The following MYO1D variants were observed in gnomAD, a reference collection of about 807,000 sequenced individuals.
MYO1D encodes the protein myosin ID.
Under a neutral mutation model 122.0 loss-of-function variants are expected in MYO1D, and 83 were observed. The observed-to-expected ratio is 0.68, with a 90% CI of 0.57 to 0.82. The LOEUF (loss-of-function observed/expected upper bound fraction) is 0.82. Among genes scored for constraint, MYO1D ranks in the 40% least tolerant of loss-of-function variants. The pLI is 0.00. For missense variants in MYO1D, 1,157 were observed against 1,269.5 expected, an observed-to-expected ratio of 0.91 and a Z score of 1.35; for synonymous variants, 464 against 446.9, an observed-to-expected ratio of 1.04 and a Z score of -0.48.
At chr17:32,553,318 AGTGAATTTTGCAGAAGGCT>A (rs1210383846) in intron 21 of MYO1D, among the ~76,000 whole-genome samples, 1 of 152,168 alleles carries the variant, frequency 6.6e-6, no homozygotes, top group Non-Finnish European at 1.5e-5. Flanking sequence ...AACAGTGTTG[AGTGAATTTTGCAGAAGGCT>A]GAATAGGACT....
At chr17:32,680,651 G>C (rs2088900845) in intron 16 of MYO1D, among the ~76,000 whole-genome samples, 1 of 149,680 alleles carries the variant, frequency 6.7e-6, no homozygotes, top group South Asian at 2.2e-4. Flanking sequence ...TGTGCTGCTG[G>C]ATTCGGTTTG....
intron 19 of MYO1D, among the ~76,000 whole-genome samples, chr17:32,643,450 G>C (rs1265808438): frequency 1.3e-5 from 2 of 152,124 alleles, no homozygotes; most frequent in East Asian, 1.9e-4. Flanking sequence ...AATAAGTTAG[G>C]GAGGATTCCC....
chr17:32,705,661 ATCTC>A (rs1403568510), intron 16 of MYO1D, among the ~76,000 whole-genome samples: 2 of 152,202 alleles, frequency 1.3e-5, no homozygotes, highest in Non-Finnish European at 2.9e-5. Flanking sequence ...CACAGTTTGT[ATCTC>A]TCTAAGAACG....
chr17:32,701,329 C>T (rs1212692205), intron 16 of MYO1D, among the ~76,000 whole-genome samples: 1 of 152,106 alleles, frequency 6.6e-6, no homozygotes, highest in Non-Finnish European at 1.5e-5. Flanking sequence ...GGGAGTTTAA[C>T]CTCAAAAGAT....
chr17:32,530,476 ACT>A (rs1910474442), intron 21 of MYO1D, among the ~76,000 whole-genome samples: 1 of 152,204 alleles, frequency 6.6e-6, no homozygotes, highest in East Asian at 1.9e-4. Context: ...GCATCAGGAC[ACT>A]CTGGGACAAG....
At chr17:32,812,709 G>C (rs538750327) in intron 1 of MYO1D, among the ~76,000 whole-genome samples, 1 of 152,320 alleles carries the variant, frequency 6.6e-6, no homozygotes, top group East Asian at 1.9e-4. Flanking sequence ...AGAAGTTCCA[G>C]CAGACACTGG....
At chr17:32,746,790 T>C (rs965592964) in intron 12 of MYO1D, among the ~76,000 whole-genome samples, 1 of 152,292 alleles carries the variant, frequency 6.6e-6, no homozygotes, top group South Asian at 2.1e-4. Context: ...AAAGGGTTAG[T>C]TGAAGTTCTA....
intron 21 of MYO1D, among the ~76,000 whole-genome samples, chr17:32,573,605 G>A (rs7220516): frequency 0.45 from 67,727 of 151,638 alleles, 16,539 homozygotes; most frequent in Middle Eastern, 0.61. Flanking sequence ...CTGCAGCCTC[G>A]AACTCCTGGG....
chr17:32,652,626 GT>G (rs879726485), intron 19 of MYO1D, among the ~76,000 whole-genome samples: 3 of 148,330 alleles, frequency 2.0e-5, no homozygotes, highest in African/African-American at 2.5e-5. Context: ...GTATTTTAAG[GT>G]TTTTTTTTTA....
chr17:32,548,700 T>A (rs868178222), intron 21 of MYO1D, among the ~76,000 whole-genome samples: 9 of 147,800 alleles, frequency 6.1e-5, no homozygotes, highest in African/African-American at 2.0e-4. Flanking sequence ...AAATTCTTTT[T>A]AAATTATTTT....
chr17:32,802,418 A>AT (rs1056540250), intron 1 of MYO1D, among the ~76,000 whole-genome samples: 2 of 152,270 alleles, frequency 1.3e-5, no homozygotes, highest in South Asian at 2.1e-4. Flanking sequence ...AAAGAAAAAA[A>AT]TTTTTTTCTG....
chr17:32,605,668 T>G (rs560283057), intron 20 of MYO1D, among the ~76,000 whole-genome samples: 8 of 152,132 alleles, frequency 5.3e-5, no homozygotes, highest in Non-Finnish European at 1.2e-4. Context: ...GAAGAACTTA[T>G]TGCCAATATC....
At chr17:32,745,185 GTTAA>G (rs1176818164) in intron 13 of MYO1D, 22 bp downstream of exon 13, 3 of 1,252,024 alleles carry the variant, frequency 2.4e-6, no homozygotes, top group East Asian at 2.3e-5. Flanking sequence ...TTAATCTAGA[GTTAA>G]TTAATAAAAT....
chr17:32,825,100 T>G (rs1318059962), intron 1 of MYO1D, among the ~76,000 whole-genome samples: 1 of 152,230 alleles, frequency 6.6e-6, no homozygotes, highest in Non-Finnish European at 1.5e-5. Context: ...AGCATATCTT[T>G]GTTATCTCAA....
At chr17:32,666,379 A>G (rs1003387924) in intron 16 of MYO1D, among the ~76,000 whole-genome samples, 8 of 152,104 alleles carry the variant, frequency 5.3e-5, no homozygotes, top group African/African-American at 1.9e-4. Context: ...TGTTTCCACT[A>G]TGGTACTATT....
intron 11 of MYO1D, among the ~76,000 whole-genome samples, chr17:32,750,949 T>C (rs1487012292): frequency 6.6e-6 from 1 of 152,182 alleles, no homozygotes; most frequent in African/African-American, 2.4e-5. Context: ...TTTTACAAAC[T>C]GTTTTATTTA....
chr17:32,688,507 C>T lies in MYO1D; in HGVS notation c.2121+23481G>A, dbSNP rs113319765. ...GATGTAAAGATGACTTTATTTACAG[C>T]GGTCTGGTTGGGAGGACTTTAGTGA... On this transcript the variant is annotated intron_variant, in intron 16 of 21. Coordinates refer to ENST00000318217, the MANE Select transcript of MYO1D (RefSeq NM_015194.3). Among the ~76,000 whole-genome samples the T allele has an allele frequency of 5.0e-3, 765 of 152,240 alleles. 8 individuals carry two copies. The highest frequency in any genetic ancestry group is 0.018 in the African/African-American group (727 of 41,528).
rs117520295 is a variant in MYO1D, at chr17:32,586,516, G to A, written c.2864+18571C>T. Among the ~76,000 whole-genome samples the A allele has an allele frequency of 1.6e-4, 24 of 152,218 alleles. 1 individual carries two copies. The East Asian group carries it at 4.6e-3, about 29-fold the overall frequency. Reference sequence around the variant, plus strand: ...ATCCTAACTTGTCATCAAAATATAAGTTATCCTTCCTGGGTTTTTCTTATT... The same window carrying A: ...ATCCTAACTTGTCATCAAAATATAAATTATCCTTCCTGGGTTTTTCTTATT... On this transcript the variant is annotated intron_variant, in intron 21 of 21. Transcript: ENST00000318217.
intron 16 of MYO1D, among the ~76,000 whole-genome samples, chr17:32,697,224 G>C (rs770666369): frequency 3.3e-5 from 5 of 152,154 alleles, no homozygotes; most frequent in African/African-American, 4.8e-5. Flanking sequence ...TTTCCATTCA[G>C]TAATGAATGA....
Sources: allele counts gnomAD v4.1 joint callset (sites outside exome capture counted in the v4.1 genomes callset), GRCh38; gene constraint gnomAD v4.1.1; transcripts MANE v1.5; gene names NCBI Gene and HGNC (gene_info 2026-07-23, HGNC 2026-07-21).